Variants in EBF1 observed in about 807,000 individuals in gnomAD.
The protein encoded by EBF1 is EBF transcription factor 1, also known as transcription factor COE1.
In EBF1, 10 loss-of-function variants were observed where a neutral mutation model predicts 68.4. The ratio of observed to expected loss-of-function variants is 0.15; its 90% CI spans 0.09 to 0.25. The LOEUF (loss-of-function observed/expected upper bound fraction) is 0.25. Among genes scored for constraint, EBF1 ranks in the 10% least tolerant of loss-of-function variants. The pLI is 1.00. For missense variants in EBF1, 509 were observed against 794.4 expected (o/e 0.64, Z 4.32); for synonymous variants, 298 against 299.8 (o/e 0.99, Z 0.06).
intron 8 of EBF1, among the ~76,000 whole-genome samples, chr5:158,814,675 T>A (rs1783373215): frequency 6.6e-6 from 1 of 152,192 alleles, no homozygotes; most frequent in Non-Finnish European, 1.5e-5. Flanking sequence ...CATTTTCTCA[T>A]GGACTCCTTC....
intron 6 of EBF1, among the ~76,000 whole-genome samples, chr5:159,027,480 G>C (rs1316141567): frequency 6.6e-6 from 1 of 152,124 alleles, no homozygotes; most frequent in Non-Finnish European, 1.5e-5. Flanking sequence ...ATTATTTTCT[G>C]TCTTTCTTTC....
intron 6 of EBF1, among the ~76,000 whole-genome samples, chr5:159,013,206 T>C (rs947011116): frequency 1.3e-5 from 2 of 152,168 alleles, no homozygotes; most frequent in Admixed American, 1.3e-4. Context: ...ATAAGTAATA[T>C]ATGAATTTTC....
intron 6 of EBF1, among the ~76,000 whole-genome samples, chr5:158,903,223 A>G (rs192966068): frequency 9.8e-5 from 15 of 152,320 alleles, no homozygotes; most frequent in African/African-American, 3.4e-4. Flanking sequence ...CAGCTCATTC[A>G]TTTATAAATA....
At chr5:159,068,781 T>C (rs1394998065) in intron 6 of EBF1, among the ~76,000 whole-genome samples, 1 of 152,148 alleles carries the variant, frequency 6.6e-6, no homozygotes, top group Non-Finnish European at 1.5e-5. Flanking sequence ...GATCTAGATG[T>C]GGAAGATCTT....
intron 15 of EBF1, 50 bp downstream of exon 15, chr5:158,707,929 G>A (rs1217667404): frequency 1.3e-6 from 2 of 1,528,062 alleles, no homozygotes; most frequent in African/African-American, 1.4e-5. Flanking sequence ...CCCTGGGAGG[G>A]TGAAGTCAGG....
chr5:158,951,220 C>T (rs867932980), intron 6 of EBF1, among the ~76,000 whole-genome samples: 3 of 152,184 alleles, frequency 2.0e-5, no homozygotes, highest in Admixed American at 2.0e-4. Context: ...CCCTGACACA[C>T]TTTTGGCTGG....
chr5:159,053,605 T>TCTCACA (rs750232925), intron 6 of EBF1, among the ~76,000 whole-genome samples: 2 of 146,414 alleles, frequency 1.4e-5, no homozygotes, highest in African/African-American at 5.1e-5. Context: ...TCTCTCTCTC[T>TCTCACA]CACACACACA....
intron 6 of EBF1, among the ~76,000 whole-genome samples, chr5:159,053,101 T>C (rs1774103104): frequency 6.6e-6 from 1 of 152,194 alleles, no homozygotes; most frequent in Non-Finnish European, 1.5e-5. Flanking sequence ...TGTTAGTTTT[T>C]AAATAGAGGC....
At chr5:158,758,793 A>AG (rs751080031) in intron 10 of EBF1, among the ~76,000 whole-genome samples, 9 of 152,174 alleles carry the variant, frequency 5.9e-5, no homozygotes, top group African/African-American at 1.9e-4. Flanking sequence ...TTTAAAACTA[A>AG]AATTCCTCTA....
At chr5:158,795,346 A>G (rs1165134506) in intron 9 of EBF1, among the ~76,000 whole-genome samples, 2 of 152,160 alleles carry the variant, frequency 1.3e-5, no homozygotes, top group African/African-American at 2.4e-5. Flanking sequence ...TTGGAGCTTC[A>G]CTATCCTTAT....
Position 158,984,974 on chromosome 5 carries a change from A to G in EBF1, c.554+88422T>C, listed in dbSNP as rs559246104. Among the ~76,000 whole-genome samples, 4 of 152,128 alleles carry G rather than the reference A, an allele frequency of 2.6e-5. No homozygotes were observed. The East Asian group carries it at 7.7e-4, about 29-fold the overall frequency. ...CTGGGACTACAGGCATGAGCCACCA[A>G]ACTCAGCCCAATGCTGCTTTCTTTT... is the stretch of plus-strand genomic sequence containing the variant. On this transcript the variant is annotated intron_variant, in intron 6 of 15. Transcript: ENST00000313708.
intron 6 of EBF1, among the ~76,000 whole-genome samples, chr5:158,967,775 C>T (rs911450092): frequency 2.6e-4 from 40 of 152,164 alleles, no homozygotes; most frequent in African/African-American, 9.7e-4. Flanking sequence ...TCTGAACACC[C>T]ATGAAGTCAC....
At chr5:158,959,710 G>A (rs2127530625) in intron 6 of EBF1, among the ~76,000 whole-genome samples, 1 of 152,120 alleles carries the variant, frequency 6.6e-6, no homozygotes, top group African/African-American at 2.4e-5. Flanking sequence ...ACTCAATTTA[G>A]TAGAGATGTC....
intron 6 of EBF1, among the ~76,000 whole-genome samples, chr5:158,956,901 G>A (rs1327281768): frequency 2.6e-5 from 4 of 152,038 alleles, no homozygotes; most frequent in African/African-American, 7.2e-5. Flanking sequence ...TGGGACTACA[G>A]GCGCCTGCCA....
At chr5:159,022,407 G>A (rs759334721) in intron 6 of EBF1, among the ~76,000 whole-genome samples, 1 of 152,186 alleles carries the variant, frequency 6.6e-6, no homozygotes, top group Non-Finnish European at 1.5e-5. Flanking sequence ...GTCAGGCCTC[G>A]GGGTAAAGTG....
intron 7 of EBF1, among the ~76,000 whole-genome samples, chr5:158,838,463 G>A (rs1197188083): frequency 7.0e-5 from 9 of 129,016 alleles, no homozygotes; most frequent in Admixed American, 3.0e-4. Flanking sequence ...AAAAAAAAAC[G>A]AAAGAAAAGA....
At chr5:158,782,099 C>A (rs1776554809) in intron 9 of EBF1, among the ~76,000 whole-genome samples, 1 of 152,156 alleles carries the variant, frequency 6.6e-6, no homozygotes, top group Non-Finnish European at 1.5e-5. Flanking sequence ...TTTCTCCATG[C>A]CATTCTTTCC....
intron 6 of EBF1, among the ~76,000 whole-genome samples, chr5:159,015,762 C>A (rs770658989): frequency 6.6e-6 from 1 of 152,180 alleles, no homozygotes; most frequent in Non-Finnish European, 1.5e-5. Context: ...TGTCCAACCA[C>A]CTGGAGTTGT....
At chr5:158,742,309 G>A (rs1017830710) in intron 10 of EBF1, among the ~76,000 whole-genome samples, 11 of 152,154 alleles carry the variant, frequency 7.2e-5, no homozygotes, top group East Asian at 1.9e-4. Flanking sequence ...TGTCCCAACC[G>A]TCCTGGAGTA....
Sources: gnomAD v4.1 joint callset for allele counts (sites outside exome capture counted in the v4.1 genomes callset) on GRCh38, gnomAD v4.1.1 for gene constraint, MANE v1.5 for transcripts, NCBI Gene and HGNC (gene_info 2026-07-23, HGNC 2026-07-21) for gene names.